PLCB4: variants seen among roughly 807,000 people sequenced by gnomAD.
PLCB4 encodes the protein 1-phosphatidylinositol 4,5-bisphosphate phosphodiesterase beta-4.
A neutral mutation model predicts 178.8 loss-of-function variants in PLCB4; 77 were observed. That is an observed-to-expected ratio of 0.43 (90% CI 0.36 to 0.52). The LOEUF (loss-of-function observed/expected upper bound fraction) is 0.52. PLCB4 is among the 20% of genes least tolerant of loss of function. The pLI, the probability that PLCB4 is intolerant of heterozygous loss-of-function variation, is 0.00. For synonymous variants in PLCB4, 496 were observed against 490.8 expected (o/e 1.01, Z -0.14); for missense variants, 1,024 against 1,453.4 (o/e 0.70, Z 4.80).
rs1049713254 is a variant in PLCB4 at position 9,217,414 on chromosome 20, C to A, written c.-54C>A. On this transcript the variant is annotated 5_prime_UTR_variant, in exon 3 of 40. Coordinates refer to ENST00000378473, the MANE Select transcript of PLCB4 (RefSeq NM_001377142.1). ...GAGGACAGTGCTGCTGTGAGTTTGA[C>A]GAAGTGGACATCACCTGCAGTCAGT... 6.6e-6 allele frequency: 1 copy of A among 152,150 alleles called. No individual in the cohort carries two copies. The highest frequency in any genetic ancestry group is 2.4e-5 in the African/African-American group (1 of 41,440). 9.4% of individuals were successfully genotyped at this position (152,150 alleles called of 1,614,324 possible). A position where few individuals can be genotyped will look rare whatever the true frequency, so the allele number is the denominator to read the frequency against.
intron 37 of PLCB4, among the ~76,000 whole-genome samples, 199 bp from the exon 38 acceptor site, chr20:9,473,080 C>T (rs568925149): frequency 1.3e-4 from 20 of 152,144 alleles, no homozygotes; most frequent in South Asian, 1.0e-3. Context: ...CGTAAGTCCT[C>T]TATTATTTTC....
intron 3 of PLCB4, among the ~76,000 whole-genome samples, chr20:9,289,824 T>A (rs1392132857): frequency 6.6e-6 from 1 of 152,124 alleles, no homozygotes; most frequent in East Asian, 1.9e-4. Flanking sequence ...ACTTTCCACA[T>A]TTTTCCAGTT....
chr20:9,432,865 T>A (rs1044048632), intron 28 of PLCB4, among the ~76,000 whole-genome samples: 1 of 152,184 alleles, frequency 6.6e-6, no homozygotes, highest in African/African-American at 2.4e-5. Context: ...AACATTGCAT[T>A]TCCTCTCTAA....
At chr20:9,229,340 GAGT>G (rs1408780411) in intron 3 of PLCB4, among the ~76,000 whole-genome samples, 2 of 152,236 alleles carry the variant, frequency 1.3e-5, no homozygotes, top group East Asian at 3.9e-4. Context: ...TCACAAGTGT[GAGT>G]AGTTGTCATT....
At chr20:9,154,909 T>TTCCTTCCC (rs1568853020) in intron 2 of PLCB4, among the ~76,000 whole-genome samples, 2 of 67,142 alleles carry the variant, frequency 3.0e-5, no homozygotes, top group Non-Finnish European at 5.8e-5. Flanking sequence ...CCTTCCCTCC[T>TTCCTTCCC]TCCTTCCTTC....
intron 14 of PLCB4, among the ~76,000 whole-genome samples, chr20:9,385,113 ACGGGG>A (rs2037473018): frequency 6.6e-6 from 1 of 152,176 alleles, no homozygotes; most frequent in Non-Finnish European, 1.5e-5. Flanking sequence ...TTCAGAGAGC[ACGGGG>A]TTGGGGGTAA....
At chr20:9,335,932 G>C (rs1396863164) in intron 4 of PLCB4, among the ~76,000 whole-genome samples, 1 of 152,128 alleles carries the variant, frequency 6.6e-6, no homozygotes, top group South Asian at 2.1e-4. Flanking sequence ...GGGACCCCTA[G>C]GACTACTTTA....
chr20:9,263,480 A>G (rs917579872), intron 3 of PLCB4, among the ~76,000 whole-genome samples: 2 of 152,162 alleles, frequency 1.3e-5, no homozygotes, highest in African/African-American at 4.8e-5. Flanking sequence ...TTAGAAATGC[A>G]GACTCTCAGG....
intron 33 of PLCB4, among the ~76,000 whole-genome samples, chr20:9,455,654 T>G (rs2043011877): frequency 6.6e-6 from 1 of 152,172 alleles, no homozygotes; most frequent in Non-Finnish European, 1.5e-5. Flanking sequence ...AATCTGTAGA[T>G]TTCTTCCTGA....
chr20:9,263,519 C>T (rs998946498), intron 3 of PLCB4, among the ~76,000 whole-genome samples: 4 of 152,088 alleles, frequency 2.6e-5, no homozygotes, highest in Admixed American at 6.6e-5. Flanking sequence ...GTGTTAGAGT[C>T]GCGTGGTAAC....
intron 2 of PLCB4, among the ~76,000 whole-genome samples, chr20:9,105,152 C>T (rs1044282515): frequency 6.6e-5 from 10 of 151,798 alleles, no homozygotes; most frequent in African/African-American, 2.4e-4. Flanking sequence ...GCTGGTTAGC[C>T]GCAAACTAAA....
At chr20:9,363,039 A>T (rs139366933) in intron 8 of PLCB4, 64 bp downstream of exon 8, 1 of 1,176,040 alleles carries the variant, frequency 8.5e-7, no homozygotes, top group African/African-American at 1.5e-5. Context: ...AGATGAAGAG[A>T]TGAAGGCTAG....
intron 3 of PLCB4, among the ~76,000 whole-genome samples, chr20:9,276,797 C>T (rs2094454175): frequency 1.3e-5 from 2 of 151,976 alleles, no homozygotes; most frequent in Admixed American, 6.6e-5. Context: ...ACTGAGATCA[C>T]CAGGGAGCTA....
intron 2 of PLCB4, among the ~76,000 whole-genome samples, chr20:9,191,895 TA>T (rs1431073798): frequency 2.7e-4 from 40 of 149,810 alleles, no homozygotes; most frequent in African/African-American, 8.8e-4. Flanking sequence ...TTTTTTTTTT[TA>T]AATATACACA....
chr20:9,168,395 G>A (rs752269067), intron 2 of PLCB4, among the ~76,000 whole-genome samples: 6 of 152,188 alleles, frequency 3.9e-5, no homozygotes, highest in Non-Finnish European at 7.3e-5. Flanking sequence ...CTCTGAAGGT[G>A]ACGCTGTTGA....
At chr20:9,434,628 G>A (rs959412495) in intron 28 of PLCB4, among the ~76,000 whole-genome samples, 1 of 152,016 alleles carries the variant, frequency 6.6e-6, no homozygotes, top group East Asian at 1.9e-4. Flanking sequence ...CACCCTTCTC[G>A]TGTTCCCAAA....
intron 7 of PLCB4, among the ~76,000 whole-genome samples, chr20:9,341,626 G>A (rs1372525754): frequency 6.6e-6 from 1 of 151,824 alleles, no homozygotes; most frequent in Non-Finnish European, 1.5e-5. Context: ...TGGAGGAGGT[G>A]GAAGTGGAGT....
At chr20:9,070,839 T>G (rs529184556) in intron 1 of PLCB4, among the ~76,000 whole-genome samples, 1 of 152,316 alleles carries the variant, frequency 6.6e-6, no homozygotes, top group South Asian at 2.1e-4. Context: ...TTGATGGTAT[T>G]ACTACCCAGC....
chr20:9,110,639 G>A lies in PLCB4; in HGVS notation c.-79+14297G>A, dbSNP rs73609418. The stretch of plus-strand genomic sequence containing the variant: ...TGAGAACAGTATTTAAGCTGACTAC[G>A]TTTCTTTTATAGCTGGCCTTTTATA... On this transcript the variant is annotated intron_variant, in intron 2 of 39. Transcript: ENST00000378473. Among the ~76,000 whole-genome samples, 266 of 152,208 alleles carry A rather than the reference G, an allele frequency of 1.7e-3. 1 individual carries two copies. The highest frequency in any genetic ancestry group is 5.4e-3 in the African/African-American group (225 of 41,548).
Sources: allele counts gnomAD v4.1 joint callset (sites outside exome capture counted in the v4.1 genomes callset), GRCh38; gene constraint gnomAD v4.1.1; transcripts MANE v1.5; gene names NCBI Gene and HGNC (gene_info 2026-07-23, HGNC 2026-07-21).